The following RIT2 variants were observed in gnomAD, a reference collection of about 807,000 sequenced individuals.
The protein encoded by RIT2 is GTP-binding protein Rit2.
RIT2 carries 24 observed loss-of-function variants against 23.7 expected under a neutral mutation model. That is an observed-to-expected ratio of 1.01 (90% CI 0.73 to 1.43). RIT2 has a LOEUF of 1.43. Among genes scored for constraint, RIT2 ranks in the 40% most tolerant of loss-of-function variants. RIT2 has a pLI of 0.00. For missense variants in RIT2, 236 were observed against 266.9 expected, an observed-to-expected ratio of 0.88 and a Z score of 0.81; for synonymous variants, 107 against 91.1, an observed-to-expected ratio of 1.17 and a Z score of -0.99.
intron 4 of RIT2, among the ~76,000 whole-genome samples, chr18:42,769,487 G>T (rs1456843151): frequency 1.3e-5 from 2 of 151,966 alleles, no homozygotes; most frequent in Non-Finnish European, 2.9e-5. Context: ...AAATGGCCAG[G>T]TTCAATGGGA....
At chr18:43,014,875 A>G (rs530806694) in intron 2 of RIT2, among the ~76,000 whole-genome samples, 184 of 151,894 alleles carry the variant, frequency 1.2e-3, no homozygotes, top group Non-Finnish European at 2.0e-3. Flanking sequence ...AATAATCTGT[A>G]TAATATAGCC....
intron 4 of RIT2, among the ~76,000 whole-genome samples, chr18:42,809,444 C>A (rs1215324741): frequency 6.6e-6 from 1 of 151,910 alleles, no homozygotes; most frequent in African/African-American, 2.4e-5. Flanking sequence ...CCAAAGCTAC[C>A]CTGAATATTT....
intron 3 of RIT2, among the ~76,000 whole-genome samples, chr18:42,943,626 G>T (rs1174994664): frequency 6.6e-6 from 1 of 152,010 alleles, no homozygotes; most frequent in African/African-American, 2.4e-5. Flanking sequence ...ATTTTTAGAA[G>T]TGGTTTGGGT....
intron 4 of RIT2, among the ~76,000 whole-genome samples, chr18:42,783,080 T>C (rs186970405): frequency 6.6e-6 from 1 of 152,130 alleles, no homozygotes; most frequent in Non-Finnish European, 1.5e-5. Context: ...TTTAAAATAC[T>C]TTTAAGTCCA....
chr18:43,092,410 G>A (rs1437727296), intron 1 of RIT2, among the ~76,000 whole-genome samples: 2 of 152,070 alleles, frequency 1.3e-5, no homozygotes, highest in African/African-American at 2.4e-5. Context: ...AGACTACTTT[G>A]TGTGAAAAAT....
At chr18:42,832,653 A>C (rs1285723724) in intron 4 of RIT2, among the ~76,000 whole-genome samples, 1 of 152,212 alleles carries the variant, frequency 6.6e-6, no homozygotes, top group Non-Finnish European at 1.5e-5. Context: ...AACATTTATC[A>C]TGTATTTGTT....
intron 1 of RIT2, among the ~76,000 whole-genome samples, chr18:43,044,963 A>G (rs1044010305): frequency 6.6e-6 from 1 of 152,216 alleles, no homozygotes; most frequent in Admixed American, 6.5e-5. Context: ...CAAAAAGGCA[A>G]AGAATATTAA....
chr18:43,058,487 C>G (rs1465632311), intron 1 of RIT2, among the ~76,000 whole-genome samples: 5 of 152,110 alleles, frequency 3.3e-5, no homozygotes, highest in Non-Finnish European at 7.4e-5. Context: ...GTACTACACT[C>G]AGAAGATTTG....
chr18:42,944,022 G>A lies in RIT2; in HGVS notation c.235-20259C>T, dbSNP rs143463437. 3.3e-5 allele frequency among the ~76,000 whole-genome samples: 5 copies of A among 152,194 alleles called. No homozygotes were observed. The East Asian group carries it at 9.7e-4, about 29-fold the overall frequency. The stretch of plus-strand genomic sequence containing the variant: ...CCTAGCTGCTTTTCCTGCCCCTCCA[G>A]GGTCTGTTATCAACACAACATTCAG... On this transcript the variant is annotated intron_variant, in intron 3 of 4. Transcript: ENST00000326695.
At chr18:42,891,479 A>G (rs1908173877) in intron 4 of RIT2, among the ~76,000 whole-genome samples, 2 of 152,220 alleles carry the variant, frequency 1.3e-5, no homozygotes, top group Admixed American at 1.3e-4. Flanking sequence ...GGTTGCCAGA[A>G]TTTGGAAGCA....
chr18:43,058,506 T>C (rs1277806192), intron 1 of RIT2, among the ~76,000 whole-genome samples: 1 of 152,132 alleles, frequency 6.6e-6, no homozygotes, highest in Non-Finnish European at 1.5e-5. Flanking sequence ...TGATACGTCC[T>C]TGTGTGTGTA....
intron 3 of RIT2, among the ~76,000 whole-genome samples, chr18:42,930,898 C>T (rs1431771367): frequency 1.3e-5 from 2 of 152,088 alleles, no homozygotes; most frequent in African/African-American, 4.8e-5. Flanking sequence ...TTTTTGAGAG[C>T]TGGAGCTTTG....
At chr18:42,836,984 T>A (rs549384160) in intron 4 of RIT2, among the ~76,000 whole-genome samples, 58 of 152,164 alleles carry the variant, frequency 3.8e-4, no homozygotes, top group African/African-American at 1.4e-3. Flanking sequence ...TCAAACTATC[T>A]ATGGAGACAG....
chr18:42,799,361 C>T (rs1905461008), intron 4 of RIT2, among the ~76,000 whole-genome samples: 1 of 152,192 alleles, frequency 6.6e-6, no homozygotes, highest in Non-Finnish European at 1.5e-5. Flanking sequence ...TATTGCATTT[C>T]TCATAAATAA....
At chr18:43,029,783 A>C (rs78400128) in intron 2 of RIT2, among the ~76,000 whole-genome samples, 4,729 of 152,148 alleles carry the variant, frequency 0.031, 259 homozygotes, top group African/African-American at 0.11. Flanking sequence ...GGAGTAAGAT[A>C]AGAAAAAATA....
chr18:43,091,117 GTAAA>G (rs1176104735), intron 1 of RIT2, among the ~76,000 whole-genome samples: 1 of 151,736 alleles, frequency 6.6e-6, no homozygotes, highest in Non-Finnish European at 1.5e-5. Context: ...GAATTTTAAA[GTAAA>G]TAAACAGAAT....
intron 4 of RIT2, among the ~76,000 whole-genome samples, chr18:42,921,322 G>A (rs866256957): frequency 5.9e-5 from 9 of 152,174 alleles, no homozygotes; most frequent in African/African-American, 1.9e-4. Flanking sequence ...CATGGTTTTC[G>A]CACTTTCTGT....
chr18:43,102,525 A>G (rs1913711465), intron 1 of RIT2, among the ~76,000 whole-genome samples: 1 of 149,782 alleles, frequency 6.7e-6, no homozygotes, highest in African/African-American at 2.5e-5. Context: ...GAAATAAAAC[A>G]TGAGCTATTT....
chr18:43,072,332 C>T (rs971589252), intron 1 of RIT2, among the ~76,000 whole-genome samples: 4 of 152,008 alleles, frequency 2.6e-5, no homozygotes, highest in African/African-American at 9.7e-5. Context: ...AAGAAAATTC[C>T]AGAATTGGGA....
Sources: allele counts gnomAD v4.1 joint callset (sites outside exome capture counted in the v4.1 genomes callset), GRCh38; gene constraint gnomAD v4.1.1; transcripts MANE v1.5; gene names NCBI Gene and HGNC (gene_info 2026-07-23, HGNC 2026-07-21).